The following HECW1 variants were observed in gnomAD, a reference collection of about 807,000 sequenced individuals.
HECW1 encodes HECT, C2 and WW domain containing E3 ubiquitin protein ligase 1.
In HECW1, 61 loss-of-function variants were observed where a neutral mutation model predicts 182.3. That is an observed-to-expected ratio of 0.33 (90% CI 0.27 to 0.41). HECW1 has a LOEUF of 0.41. Among genes scored for constraint, HECW1 ranks in the 10% least tolerant of loss-of-function variants. The pLI, the probability that HECW1 is intolerant of heterozygous loss-of-function variation, is 1.00. For synonymous variants in HECW1, 859 were observed against 832.6 expected (o/e 1.03, Z -0.55); for missense variants, 1,739 against 2,108.9 (o/e 0.82, Z 3.44).
intron 6 of HECW1, among the ~76,000 whole-genome samples, chr7:43,376,262 A>G (rs540541919): frequency 1.2e-4 from 19 of 152,278 alleles, no homozygotes; most frequent in African/African-American, 4.6e-4. Flanking sequence ...CCATATAAAC[A>G]GAAGAAAAAT....
chr7:43,186,165 G>C (rs1484312174), intron 2 of HECW1, among the ~76,000 whole-genome samples: 1 of 152,164 alleles, frequency 6.6e-6, no homozygotes, highest in Admixed American at 6.5e-5. Flanking sequence ...GATTCCATTA[G>C]AACACACCTT....
Position 43,153,771 on chromosome 7 carries a change from A to G in HECW1, c.-32+39380A>G, listed in dbSNP as rs182126561. ...TGTTGAAATGCTTTGTATAGTAAACATGGAGACAGTAACCCCACTTGTGGA... is the reference window on the plus strand; with the variant it reads ...TGTTGAAATGCTTTGTATAGTAAACGTGGAGACAGTAACCCCACTTGTGGA... On this transcript the variant is annotated intron_variant, in intron 2 of 29. Coordinates refer to ENST00000395891, the MANE Select transcript of HECW1 (RefSeq NM_015052.5). Among the ~76,000 whole-genome samples, 557 of 152,344 alleles carry G rather than the reference A, an allele frequency of 3.7e-3. 6 individuals are homozygous for G. Among genetic ancestry groups the G allele is most frequent in the African/African-American group, 0.013 (537 of 41,578 alleles).
chr7:43,241,973 A>G (rs1272739383), intron 2 of HECW1, among the ~76,000 whole-genome samples: 1 of 152,076 alleles, frequency 6.6e-6, no homozygotes, highest in Non-Finnish European at 1.5e-5. Context: ...GGGACAGCAC[A>G]CTGACATCTC....
chr7:43,509,003 T>C lies in HECW1; in HGVS notation c.3901T>C (p.Phe1301Leu), dbSNP rs1272563500. Residue 1301 changes from phenylalanine to leucine, a missense_variant, in exon 24 of 30, where the codon TTC becomes CTC. Transcript: ENST00000395891. ...DYSGPSREFF[F>L]LLSQELFNPY... is the part of the protein sequence containing the mutation. Reference sequence around the variant, plus strand: ...CAGTGGCCCCTCGCGGGAGTTCTTCTTCCTTCTGTCTCAGGAGCTCTTCAA... The same window carrying C: ...CAGTGGCCCCTCGCGGGAGTTCTTCCTCCTTCTGTCTCAGGAGCTCTTCAA... The C allele has an allele frequency of 2.5e-6, 4 of 1,614,050 alleles. No homozygotes were observed. In the African/African-American group the frequency reaches 4.0e-5, roughly 16 times the overall value.
rs956963606 is a variant in HECW1 at position 43,444,309 on chromosome 7, A to G, written c.1137A>G (p.Glu379=). ...MNNLMESGSG[E]PRSEAPESSE... ...ACCTGATGGAAAGCGGCAGTGGGGA[A>G]CCTCGGTCTGAGGCACCAGAGTCCT... Residue 379 remains glutamate, a synonymous_variant, in exon 11 of 30, where the codon GAA becomes GAG. Coordinates refer to ENST00000395891, the MANE Select transcript of HECW1 (RefSeq NM_015052.5). The surrounding 1 kb of genome is among the most constrained non-coding windows in gnomAD (Gnocchi z 4.3). 1 of 1,613,970 alleles carries G rather than the reference A, an allele frequency of 6.2e-7. No individual in the cohort carries two copies. Among genetic ancestry groups the G allele is most frequent in the African/African-American group, 1.3e-5 (1 of 74,908 alleles).
intron 24 of HECW1, among the ~76,000 whole-genome samples, chr7:43,522,815 G>A (rs2080556045): frequency 6.6e-6 from 1 of 152,198 alleles, no homozygotes; most frequent in Non-Finnish European, 1.5e-5. Context: ...CAGCAATGCT[G>A]GCCTTGGTAT....
At chr7:43,187,340 A>AG (rs34229964) in intron 2 of HECW1, among the ~76,000 whole-genome samples, 36,629 of 152,070 alleles carry the variant, frequency 0.24, 4,605 homozygotes, top group Middle Eastern at 0.27. Context: ...TTTCAAGTGG[A>AG]GGAAATTGGG....
intron 3 of HECW1, among the ~76,000 whole-genome samples, chr7:43,310,761 A>G (rs534683932): frequency 1.3e-5 from 2 of 152,378 alleles, no homozygotes; most frequent in African/African-American, 4.8e-5. Flanking sequence ...GCATTTGATT[A>G]GGTGCATAAG....
chr7:43,188,864 T>C (rs139826228), intron 2 of HECW1, among the ~76,000 whole-genome samples: 8 of 152,252 alleles, frequency 5.3e-5, no homozygotes, highest in African/African-American at 1.7e-4. Flanking sequence ...CATCTTGTCA[T>C]TGGGGTTAGA....
chr7:43,264,368 A>G (rs1038688297), intron 3 of HECW1, among the ~76,000 whole-genome samples: 3 of 152,178 alleles, frequency 2.0e-5, no homozygotes, highest in African/African-American at 7.2e-5. Flanking sequence ...ATGTTGCTTA[A>G]CATATAACCT....
intron 4 of HECW1, among the ~76,000 whole-genome samples, chr7:43,316,712 T>TG (rs1427781911): frequency 6.6e-6 from 1 of 150,712 alleles, no homozygotes; most frequent in African/African-American, 2.5e-5. Context: ...CACACTGAGG[T>TG]GGAGAGTGTG....
At chr7:43,407,301 AT>A (rs1221624380) in intron 7 of HECW1, among the ~76,000 whole-genome samples, 8 of 151,488 alleles carry the variant, frequency 5.3e-5, no homozygotes, top group African/African-American at 1.7e-4. Flanking sequence ...TACAACCCCT[AT>A]TTTTTTAATG....
chr7:43,339,515 A>G (rs1386632182), intron 5 of HECW1, among the ~76,000 whole-genome samples: 2 of 152,144 alleles, frequency 1.3e-5, no homozygotes, highest in Non-Finnish European at 2.9e-5. Flanking sequence ...TCCATTTTCT[A>G]TGTACATCAT....
chr7:43,462,803 T>C (rs1050663453), intron 13 of HECW1, among the ~76,000 whole-genome samples: 98 of 152,326 alleles, frequency 6.4e-4, no homozygotes, highest in African/African-American at 2.1e-3. Context: ...TTGTTTCTTT[T>C]CTGAAATGCC....
chr7:43,373,822 C>A (rs10281930), intron 6 of HECW1, among the ~76,000 whole-genome samples: 59,722 of 151,968 alleles, frequency 0.39, 12,586 homozygotes, highest in East Asian at 0.54. Flanking sequence ...CCTTGGCAGC[C>A]ACCATCCTAC....
intron 6 of HECW1, among the ~76,000 whole-genome samples, chr7:43,376,780 T>C (rs564164460): frequency 3.3e-5 from 5 of 151,826 alleles, no homozygotes; most frequent in Non-Finnish European, 7.4e-5. Context: ...GCAGGACAAT[T>C]GCTTGAACCC....
rs374397852 is a variant in HECW1 at position 43,550,550 on chromosome 7, G to A, written c.4354G>A (p.Val1452Met). 7.4e-6 allele frequency: 12 copies of A among 1,610,952 alleles called. No homozygotes were observed. The highest frequency in any genetic ancestry group is 4.5e-5 in the East Asian group (2 of 44,842). The part of the protein sequence containing the change: ...RMVKWRVERG[V>M]VQQTEALVRG... Reference sequence around the variant, plus strand: ...GGTGAAGTGGCGGGTGGAGCGCGGCGTGGTACAGCAGACCGAGGCGCTGGT... The same window carrying A: ...GGTGAAGTGGCGGGTGGAGCGCGGCATGGTACAGCAGACCGAGGCGCTGGT... Residue 1452 changes from valine to methionine, a missense_variant, in exon 27 of 30, where the codon GTG becomes ATG. Val to Met is a conservative substitution (Grantham distance 21). Coordinates refer to ENST00000395891, the MANE Select transcript of HECW1 (RefSeq NM_015052.5).
intron 14 of HECW1, among the ~76,000 whole-genome samples, chr7:43,464,086 G>A (rs572143058): frequency 6.6e-6 from 1 of 152,322 alleles, no homozygotes; most frequent in South Asian, 2.1e-4. Context: ...ATGGAGCTGA[G>A]TTTGCTACAG....
chr7:43,371,915 G>T (rs938462116), intron 6 of HECW1, among the ~76,000 whole-genome samples: 2 of 152,146 alleles, frequency 1.3e-5, no homozygotes, highest in African/African-American at 4.8e-5. Flanking sequence ...CTCCTCCCTG[G>T]TTCAAGTGAT....
Sources: gnomAD v4.1 joint callset for allele counts (sites outside exome capture counted in the v4.1 genomes callset) on GRCh38, gnomAD v4.1.1 for gene constraint, Gnocchi (gnomAD v3.1) non-coding constraint, MANE v1.5 for transcripts, NCBI Gene and HGNC (gene_info 2026-07-23, HGNC 2026-07-21) for gene names.